SH3PXD2A: variants seen among roughly 807,000 people sequenced by gnomAD.
SH3PXD2A encodes the protein SH3 and PX domains 2A, also known as SH3 and PX domain-containing protein 2A.
Under a neutral mutation model 115.2 loss-of-function variants are expected in SH3PXD2A, and 32 were observed. The ratio of observed to expected loss-of-function variants is 0.28; its 90% CI spans 0.21 to 0.37. The LOEUF (loss-of-function observed/expected upper bound fraction) is 0.37. Among genes scored for constraint, SH3PXD2A ranks in the 10% least tolerant of loss-of-function variants. The pLI, the probability that SH3PXD2A is intolerant of heterozygous loss-of-function variation, is 1.00. For missense variants in SH3PXD2A, 1,328 were observed against 1,498.7 expected (o/e 0.89, Z 1.88); for synonymous variants, 610 against 629.1 (o/e 0.97, Z 0.45).
At chr10:103,748,123 C>A (rs1367722242) in intron 3 of SH3PXD2A, among the ~76,000 whole-genome samples, 1 of 152,206 alleles carries the variant, frequency 6.6e-6, no homozygotes, top group East Asian at 1.9e-4. Context: ...ATGTGCTAAG[C>A]CCTGTGCCGT....
At chr10:103,772,639 C>T (rs1003544555) in intron 2 of SH3PXD2A, among the ~76,000 whole-genome samples, 10 of 152,344 alleles carry the variant, frequency 6.6e-5, no homozygotes, top group Admixed American at 6.5e-4. Flanking sequence ...AGCTGGGCTC[C>T]ACGCGCTGGC....
intron 8 of SH3PXD2A, among the ~76,000 whole-genome samples, chr10:103,647,127 C>T (rs74154569): frequency 0.02 from 3,019 of 152,210 alleles, 49 homozygotes; most frequent in African/African-American, 0.047. Context: ...CCAAGATACC[C>T]CCAATGAGTC....
chr10:103,754,940 G>A (rs2038622867), intron 3 of SH3PXD2A: 1 of 152,132 alleles, frequency 6.6e-6, no homozygotes, highest in Non-Finnish European at 1.5e-5. Context: ...CCTGTAGAAG[G>A]GCTCTGATGG....
At chr10:103,727,356 G>C (rs184706924) in intron 4 of SH3PXD2A, among the ~76,000 whole-genome samples, 21 of 152,320 alleles carry the variant, frequency 1.4e-4, no homozygotes, top group Non-Finnish European at 2.8e-4. Flanking sequence ...ATGAAAAACT[G>C]AGGAAAGAGA....
In SH3PXD2A at chr10:103,738,968, A is replaced by AT. The variant is rs1406402037; in HGVS notation, c.230-3161dup. ...TGCCACCACACCCGGCTGATTTTGCATTTTTAGTAGAGTGGGGTTTCTCCA... is the reference window on the plus strand; with the variant it reads ...TGCCACCACACCCGGCTGATTTTGCATTTTTTAGTAGAGTGGGGTTTCTCCA... On this transcript the variant is annotated intron_variant, in intron 3 of 14. Transcript: ENST00000369774. Among the ~76,000 whole-genome samples the AT allele has an allele frequency of 1.1e-4, 15 of 134,586 alleles. No homozygotes were observed. In the East Asian group the frequency reaches 2.5e-3, roughly 23 times the overall value. The allele number at this position is 134,586 out of a possible 152,430, so 88.3% of individuals were successfully genotyped here.
intron 6 of SH3PXD2A, among the ~76,000 whole-genome samples, chr10:103,672,116 C>T (rs941254974): frequency 1.3e-5 from 2 of 152,156 alleles, no homozygotes; most frequent in African/African-American, 2.4e-5. Flanking sequence ...GAAACTCCGT[C>T]TCTACTGAAA....
chr10:103,707,626 G>A (rs184497333), intron 5 of SH3PXD2A, among the ~76,000 whole-genome samples: 61 of 152,194 alleles, frequency 4.0e-4, no homozygotes, highest in African/African-American at 1.4e-3. Context: ...GGAATTACAG[G>A]TGTGAACCAC....
intron 3 of SH3PXD2A, among the ~76,000 whole-genome samples, chr10:103,762,623 C>T (rs975863565): frequency 2.6e-5 from 4 of 152,176 alleles, no homozygotes; most frequent in African/African-American, 9.7e-5. Flanking sequence ...TGGAGAACTG[C>T]CAGTCCCACG....
chr10:103,838,466 A>C (rs1158053533), intron 1 of SH3PXD2A, among the ~76,000 whole-genome samples: 3 of 152,252 alleles, frequency 2.0e-5, no homozygotes, highest in African/African-American at 7.2e-5. Flanking sequence ...TAAATGGCAC[A>C]GCTGAAATTT....
chr10:103,786,964 C>T (rs1341546771), intron 2 of SH3PXD2A, among the ~76,000 whole-genome samples: 1 of 152,212 alleles, frequency 6.6e-6, no homozygotes, highest in Non-Finnish European at 1.5e-5. Flanking sequence ...AGCCCTTGGC[C>T]GCTGGGACTG....
intron 3 of SH3PXD2A, among the ~76,000 whole-genome samples, chr10:103,747,280 T>G (rs1057255951): frequency 2.6e-5 from 4 of 151,026 alleles, no homozygotes; most frequent in African/African-American, 9.8e-5. Flanking sequence ...GGGGCCAGAG[T>G]GTGGTTAGCT....
Position 103,665,077 on chromosome 10 carries a change from G to A in SH3PXD2A, c.472+3531C>T, listed in dbSNP as rs1465121199. ...AGTGTGAAATGAACCAGTGAAACGC[G>A]TGAACTGGCAGAAAGATGAACAGAG... On this transcript the variant is annotated intron_variant, in intron 7 of 14. Coordinates refer to ENST00000369774, the MANE Select transcript of SH3PXD2A (RefSeq NM_001394015.1). The surrounding 1 kb of genome is among the most constrained non-coding windows in gnomAD (Gnocchi z 4.0). 6.6e-6 allele frequency among the ~76,000 whole-genome samples: 1 copy of A among 152,182 alleles called. No homozygotes were observed. Among genetic ancestry groups the A allele is most frequent in the Non-Finnish European group, 1.5e-5 (1 of 68,028 alleles).
chr10:103,667,404 C>T (rs896088509), intron 7 of SH3PXD2A, among the ~76,000 whole-genome samples: 36 of 152,222 alleles, frequency 2.4e-4, no homozygotes, highest in Admixed American at 8.5e-4. Flanking sequence ...CTGGCCCCTC[C>T]GCTATACGTT....
At chr10:103,736,244 A>G (rs2038379363) in intron 3 of SH3PXD2A, among the ~76,000 whole-genome samples, 1 of 152,092 alleles carries the variant, frequency 6.6e-6, no homozygotes, top group South Asian at 2.1e-4. Flanking sequence ...AGGAATTCCT[A>G]TTCTTAGTTT....
At position 103,601,088 on chromosome 10, in the gene SH3PXD2A, A is replaced by G. The variant is rs1290067482; in HGVS notation, c.*728T>C. The G allele has an allele frequency of 6.6e-6, 1 of 152,110 alleles. No individual in the cohort carries two copies. The highest frequency in any genetic ancestry group is 2.4e-5 in the African/African-American group (1 of 41,406). The allele number at this position is 152,110 out of a possible 1,614,324, so 9.4% of individuals were successfully genotyped here. A position where few individuals can be genotyped will look rare whatever the true frequency, so the allele number is the denominator to read the frequency against. On this transcript the variant is annotated 3_prime_UTR_variant, in exon 15 of 15. Transcript: ENST00000369774. Reference sequence around the variant, plus strand: ...GTGGCTTCGCCCACCCTCTCTGTAAACTCTGGTACTGTGTCCTCCATGGGG... The same window carrying G: ...GTGGCTTCGCCCACCCTCTCTGTAAGCTCTGGTACTGTGTCCTCCATGGGG...
chr10:103,636,930 C>A (rs1219688202), intron 8 of SH3PXD2A, among the ~76,000 whole-genome samples: 4 of 152,200 alleles, frequency 2.6e-5, no homozygotes, highest in African/African-American at 9.7e-5. Flanking sequence ...GTTGGCGTGA[C>A]CTGAGATAGG....
chr10:103,596,663 A>ACACACACACTCACACACACTCTCT lies in SH3PXD2A; in HGVS notation c.*5152_*5153insAGAGAGTGTGTGTGAGTGTGTGTG. 8.0e-6 allele frequency: 1 copy of ACACACACACTCACACACACTCTCT among 124,440 alleles called. No individual in the cohort carries two copies. Among genetic ancestry groups the ACACACACACTCACACACACTCTCT allele is most frequent in the South Asian group, 2.9e-4 (1 of 3,426 alleles). 7.7% of individuals were successfully genotyped at this position (124,440 alleles called of 1,614,324 possible). A position where few individuals can be genotyped will look rare whatever the true frequency, so the allele number is the denominator to read the frequency against. On this transcript the variant is annotated 3_prime_UTR_variant, in exon 15 of 15. Coordinates refer to ENST00000369774, the MANE Select transcript of SH3PXD2A (RefSeq NM_001394015.1). ...CACACACACACACACACACACACAC[A>ACACACACACTCACACACACTCTCT]CTCTCTCTCTCTCTCTCTCTCTCAC... is the stretch of plus-strand genomic sequence containing the variant.
At chr10:103,638,162 C>T (rs1188834997) in intron 8 of SH3PXD2A, among the ~76,000 whole-genome samples, 1 of 152,206 alleles carries the variant, frequency 6.6e-6, no homozygotes, top group African/African-American at 2.4e-5. Flanking sequence ...TACCTGTGCC[C>T]ACCCTGCTCC....
At position 103,612,870 on chromosome 10, in the gene SH3PXD2A, G is replaced by A. The variant is rs749994408; in HGVS notation, c.1241C>T (p.Pro414Leu). The A allele has an allele frequency of 1.9e-6, 3 of 1,571,412 alleles. No homozygotes were observed. Among genetic ancestry groups the A allele is most frequent in the East Asian group, 2.2e-5 (1 of 44,586 alleles). ...GCTCTTACTGATCTGGGCCCGCTGA[G>A]GGGCAATCCTGGCCACAGCTGGAGA... Reference protein sequence around the residue: ...QGSPAVARIAPQRAQISSPNL... With the variant: ...QGSPAVARIALQRAQISSPNL... Residue 414 changes from proline (P) to leucine (L), a missense_variant, in exon 12 of 15, where the codon CCT becomes CTT. Coordinates refer to ENST00000369774, the MANE Select transcript of SH3PXD2A (RefSeq NM_001394015.1).
Sources: gnomAD v4.1 joint callset for allele counts (sites outside exome capture counted in the v4.1 genomes callset) on GRCh38, gnomAD v4.1.1 for gene constraint, Gnocchi (gnomAD v3.1) non-coding constraint, MANE v1.5 for transcripts, NCBI Gene and HGNC (gene_info 2026-07-23, HGNC 2026-07-21) for gene names.